The following LCLAT1 variants were observed in gnomAD, a reference collection of about 807,000 sequenced individuals.
LCLAT1 encodes the protein lysocardiolipin acyltransferase 1.
A neutral mutation model predicts 30.7 loss-of-function variants in LCLAT1; 11 were observed. The ratio of observed to expected loss-of-function variants is 0.36; its 90% CI spans 0.23 to 0.59. The LOEUF (loss-of-function observed/expected upper bound fraction) is 0.59. Ranked by LOEUF, LCLAT1 falls within the 20% of genes least tolerant of loss-of-function variation. The pLI is 0.77. For synonymous variants in LCLAT1, 155 were observed against 151.3 expected (o/e 1.02, Z -0.18); for missense variants, 402 against 458.6 (o/e 0.88, Z 1.13).
intron 1 of LCLAT1, among the ~76,000 whole-genome samples, chr2:30,479,505 G>A (rs899062601): frequency 1.3e-5 from 2 of 152,040 alleles, no homozygotes; most frequent in East Asian, 3.9e-4. Context: ...CCTCAGCCTC[G>A]CAAAGTGCTG....
intron 1 of LCLAT1, chr2:30,476,689 A>G: frequency 3.1e-6 from 1 of 317,468 alleles, no homozygotes; most frequent in South Asian, 2.6e-5. Context: ...AATAGTGGAA[A>G]TAAAGTACGC....
chr2:30,634,289 C>A (rs1410980327), intron 5 of LCLAT1, among the ~76,000 whole-genome samples: 7 of 152,208 alleles, frequency 4.6e-5, no homozygotes, highest in African/African-American at 1.7e-4. Context: ...TTTCTAAAGC[C>A]CGTATAGACA....
At chr2:30,523,713 C>G (rs1240889354) in intron 1 of LCLAT1, among the ~76,000 whole-genome samples, 1 of 152,120 alleles carries the variant, frequency 6.6e-6, no homozygotes, top group South Asian at 2.1e-4. Context: ...ACTAAAAATA[C>G]AAAAATCAGA....
intron 5 of LCLAT1, among the ~76,000 whole-genome samples, chr2:30,609,395 A>G (rs187998447): frequency 6.6e-6 from 1 of 152,152 alleles, no homozygotes; most frequent in Admixed American, 6.5e-5. Flanking sequence ...AGTCCCTTAC[A>G]TGTGTTGTTT....
chr2:30,563,838 T>C (rs1051934802), intron 4 of LCLAT1, among the ~76,000 whole-genome samples: 1 of 152,176 alleles, frequency 6.6e-6, no homozygotes, highest in Non-Finnish European at 1.5e-5. Context: ...TAATAGGTTG[T>C]TAAGGGAAAT....
intron 3 of LCLAT1, among the ~76,000 whole-genome samples, chr2:30,554,804 G>C (rs906824591): frequency 1.3e-5 from 2 of 152,110 alleles, no homozygotes; most frequent in African/African-American, 4.8e-5. Context: ...AAATTAGTTA[G>C]ATGATCAAGC....
rs57326977 is a variant in LCLAT1, at chr2:30,560,283, GGTGTGTGTGTGTGTGT to G, written c.365-1836_365-1821del. 1.0e-3 allele frequency among the ~76,000 whole-genome samples: 148 copies of G among 144,582 alleles called. 1 individual carries two copies. Among genetic ancestry groups the G allele is most frequent in the East Asian group, 8.7e-3 (43 of 4,930 alleles). 94.9% of individuals were successfully genotyped at this position (144,582 alleles called of 152,430 possible). ...GACTTACCCAGGCCAAATAAAGTGT[GGTGTGTGTGTGTGTGT>G]GTGTGTGTGTGTGTGTGTGTGTGTG... On this transcript the variant is annotated intron_variant, in intron 3 of 5. Transcript: ENST00000379509.
intron 5 of LCLAT1, 118 bp from the exon 6 acceptor site, chr2:30,639,999 C>G (rs1669217148): frequency 1.4e-6 from 1 of 732,292 alleles, no homozygotes; most frequent in Admixed American, 2.4e-5. Context: ...CTTGTTTGTT[C>G]ATTGTGGTTC....
chr2:30,507,344 G>A (rs1195142590), intron 1 of LCLAT1, among the ~76,000 whole-genome samples: 2 of 152,102 alleles, frequency 1.3e-5, no homozygotes, highest in African/African-American at 4.8e-5. Context: ...TTTTATTTAA[G>A]TTCAGGTTTA....
intron 5 of LCLAT1, among the ~76,000 whole-genome samples, chr2:30,618,049 A>G (rs1668077471): frequency 6.6e-6 from 1 of 152,078 alleles, no homozygotes; most frequent in Non-Finnish European, 1.5e-5. Flanking sequence ...TATGTAAGAA[A>G]CTGTTGCCTA....
chr2:30,521,959 A>G (rs1440611110), intron 1 of LCLAT1, among the ~76,000 whole-genome samples: 2 of 152,212 alleles, frequency 1.3e-5, no homozygotes. Flanking sequence ...TTAAAATCAT[A>G]TCTTTTGAGT....
chr2:30,539,753 G>T (rs1367985305), intron 3 of LCLAT1, among the ~76,000 whole-genome samples: 1 of 152,114 alleles, frequency 6.6e-6, no homozygotes, highest in Non-Finnish European at 1.5e-5. Context: ...AAAGGTAAAA[G>T]AATCTCTAAT....
chr2:30,612,691 A>G (rs1050467038), intron 5 of LCLAT1, among the ~76,000 whole-genome samples: 2 of 152,160 alleles, frequency 1.3e-5, no homozygotes, highest in African/African-American at 4.8e-5. Context: ...CTTCTCTGCT[A>G]TGGTCTGAGG....
intron 5 of LCLAT1, among the ~76,000 whole-genome samples, chr2:30,611,480 C>T (rs1041416238): frequency 7.2e-5 from 11 of 152,034 alleles, no homozygotes; most frequent in African/African-American, 2.2e-4. Context: ...CATTTCCAGC[C>T]GTATCCTCTT....
chr2:30,589,499 T>A (rs1171491196), intron 5 of LCLAT1, among the ~76,000 whole-genome samples: 1 of 151,824 alleles, frequency 6.6e-6, no homozygotes, highest in Non-Finnish European at 1.5e-5. Context: ...GGACAGTGTA[T>A]TGCTGTCATC....
intron 5 of LCLAT1, among the ~76,000 whole-genome samples, chr2:30,573,490 G>A (rs894878852): frequency 6.6e-6 from 1 of 152,146 alleles, no homozygotes. Context: ...GATTTACCCA[G>A]GCCTCCTATG....
chr2:30,599,517 AT>A (rs1667084231), intron 5 of LCLAT1, among the ~76,000 whole-genome samples: 1 of 152,186 alleles, frequency 6.6e-6, no homozygotes, highest in African/African-American at 2.4e-5. Context: ...CAAGTCCTAA[AT>A]ATCTTTGTTA....
intron 1 of LCLAT1, among the ~76,000 whole-genome samples, chr2:30,459,209 T>G (rs1399052754): frequency 6.6e-6 from 1 of 152,144 alleles, no homozygotes; most frequent in Non-Finnish European, 1.5e-5. Flanking sequence ...TTTCTTGGGT[T>G]GGGATCTAGG....
chr2:30,603,786 C>T (rs1475043960), intron 5 of LCLAT1, among the ~76,000 whole-genome samples: 1 of 151,998 alleles, frequency 6.6e-6, no homozygotes, highest in Non-Finnish European at 1.5e-5. Flanking sequence ...TGAAGGGTTC[C>T]AGGAAGAATG....
Sources: allele counts gnomAD v4.1 joint callset (sites outside exome capture counted in the v4.1 genomes callset), GRCh38; gene constraint gnomAD v4.1.1; transcripts MANE v1.5; gene names NCBI Gene and HGNC (gene_info 2026-07-23, HGNC 2026-07-21).